Variants in PTK7 observed in about 807,000 individuals in gnomAD.
PTK7 encodes the protein inactive tyrosine-protein kinase 7.
PTK7 carries 39 observed loss-of-function variants against 116.6 expected under a neutral mutation model. That is an observed-to-expected ratio of 0.33 (90% confidence interval 0.26 to 0.44). The LOEUF (loss-of-function observed/expected upper bound fraction) is 0.44. PTK7 is among the 20% of genes least tolerant of loss of function. PTK7 has a pLI of 1.00. For synonymous variants in PTK7, 546 were observed against 563.6 expected (o/e 0.97, Z 0.44); for missense variants, 1,169 against 1,425.6 (o/e 0.82, Z 2.90).
In PTK7 at chr6:43,139,606, C is replaced by T. The variant is rs980296459; in HGVS notation, c.1618+81C>T. 1.4e-5 allele frequency: 22 copies of T among 1,571,296 alleles called. No individual in the cohort carries two copies. The African/African-American group carries it at 1.5e-4, about 11-fold the overall frequency. On this transcript the variant is annotated intron_variant, in intron 10 of 19. Transcript: ENST00000230419. The surrounding 1 kb of genome is among the most constrained non-coding windows in gnomAD (Gnocchi z 4.6). ...CATACCTGAGGGCTGCTGGGTGCCCCGCACTGTGCCAGGAAATGTGGAGAT... is the reference window on the plus strand; with the variant it reads ...CATACCTGAGGGCTGCTGGGTGCCCTGCACTGTGCCAGGAAATGTGGAGAT...
chr6:43,126,715 G>C (rs1769307610), intron 1 of PTK7, among the ~76,000 whole-genome samples: 1 of 152,224 alleles, frequency 6.6e-6, no homozygotes, highest in South Asian at 2.1e-4. Flanking sequence ...CTTGTGCCTG[G>C]ACCTGGGTTT....
intron 1 of PTK7, among the ~76,000 whole-genome samples, chr6:43,088,062 C>T (rs1766752942): frequency 6.6e-6 from 1 of 152,122 alleles, no homozygotes. Flanking sequence ...CTTTGGGAGG[C>T]CAAGGCGTGA....
intron 1 of PTK7, among the ~76,000 whole-genome samples, chr6:43,109,815 T>C (rs1214349125): frequency 1.3e-4 from 20 of 150,274 alleles, no homozygotes; most frequent in Admixed American, 1.3e-3. Context: ...TCTCCTGGCT[T>C]AGCCTCCCGA....
chr6:43,077,257 G>A (rs928098718), intron 1 of PTK7, among the ~76,000 whole-genome samples: 13 of 152,244 alleles, frequency 8.5e-5, no homozygotes, highest in African/African-American at 2.9e-4. Context: ...AGGCTGTCGC[G>A]GTGACTAATG....
intron 1 of PTK7, among the ~76,000 whole-genome samples, chr6:43,085,954 A>AC (rs59060355): frequency 1.7e-5 from 2 of 115,074 alleles, no homozygotes; most frequent in African/African-American, 8.7e-5. Context: ...AAAAAAAAAA[A>AC]CATGGCTTCC....
chr6:43,146,582 C>T (rs771714220), intron 16 of PTK7, 36 bp from the exon 17 acceptor site: 81 of 1,588,722 alleles, frequency 5.1e-5, no homozygotes, highest in Non-Finnish European at 6.5e-5. Context: ...AATGGCTGTG[C>T]ACTGACCTGA....
chr6:43,160,007 C>T, intron 19 of PTK7, 41 bp downstream of exon 19: 3 of 1,584,336 alleles, frequency 1.9e-6, no homozygotes, highest in Non-Finnish European at 2.6e-6. Flanking sequence ...CAGATGGGCC[C>T]CAGATGGGGC....
At chr6:43,135,914 T>C (rs548468045) in intron 7 of PTK7, among the ~76,000 whole-genome samples, 1 of 151,540 alleles carries the variant, frequency 6.6e-6, no homozygotes, top group African/African-American at 2.4e-5. Flanking sequence ...AATGGCTGGG[T>C]GCAGTGGCTC....
chr6:43,150,326 C>T (rs1165708402), intron 17 of PTK7, among the ~76,000 whole-genome samples: 1 of 152,146 alleles, frequency 6.6e-6, no homozygotes, highest in Non-Finnish European at 1.5e-5. Flanking sequence ...AAGAACGGGT[C>T]TTTTATAACA....
At chr6:43,154,519 TCTTA>T (rs1771306725) in intron 17 of PTK7, among the ~76,000 whole-genome samples, 2 of 152,202 alleles carry the variant, frequency 1.3e-5, no homozygotes, top group African/African-American at 4.8e-5. Flanking sequence ...TGAATGATGC[TCTTA>T]CTAAGTGTGA....
Position 43,161,037 on chromosome 6 carries a change from C to T in PTK7, c.*156C>T, listed in dbSNP as rs966756180. 4.6e-6 allele frequency: 5 copies of T among 1,077,510 alleles called. No individual in the cohort carries two copies. Among genetic ancestry groups the T allele is most frequent in the Non-Finnish European group, 6.4e-6 (5 of 775,320 alleles). 66.7% of individuals were successfully genotyped at this position (1,077,510 alleles called of 1,614,324 possible). On this transcript the variant is annotated 3_prime_UTR_variant, in exon 20 of 20. Transcript: ENST00000230419. ...GTCTGAGCAGGGCCTGGCCTTTCCT[C>T]CTCTTCCTCACCCTCATCCTTTGGG...
chr6:43,078,921 A>C (rs1441033102), intron 1 of PTK7, among the ~76,000 whole-genome samples: 1 of 152,172 alleles, frequency 6.6e-6, no homozygotes, highest in Non-Finnish European at 1.5e-5. Flanking sequence ...GGCTGTCTGC[A>C]GATTCCTCAA....
At position 43,160,992 on chromosome 6, in the gene PTK7, G is replaced by C; in HGVS notation, c.*111G>C. On this transcript the variant is annotated 3_prime_UTR_variant, in exon 20 of 20. Coordinates refer to ENST00000230419, the MANE Select transcript of PTK7 (RefSeq NM_002821.5). The stretch of plus-strand genomic sequence containing the variant: ...CCTGGGCCCTGAGGCCCCTGCCCTA[G>C]TGCAACAGGCATTGCTGAGGTCTGA... 2.2e-6 allele frequency: 3 copies of C among 1,392,146 alleles called. No homozygotes were observed. Among genetic ancestry groups the C allele is most frequent in the Non-Finnish European group, 2.9e-6 (3 of 1,041,476 alleles). 86.2% of individuals were successfully genotyped at this position (1,392,146 alleles called of 1,614,324 possible).
Position 43,116,647 on chromosome 6 carries a change from T to C in PTK7, c.80-12330T>C, listed in dbSNP as rs1047455944. Among the ~76,000 whole-genome samples, 597 of 74,312 alleles carry C rather than the reference T, an allele frequency of 8.0e-3. 3 individuals are homozygous for C. Among genetic ancestry groups the C allele is most frequent in the African/African-American group, 0.032 (510 of 16,170 alleles). 48.8% of individuals were successfully genotyped at this position (74,312 alleles called of 152,430 possible). On this transcript the variant is annotated intron_variant, in intron 1 of 19. Coordinates refer to ENST00000230419, the MANE Select transcript of PTK7 (RefSeq NM_002821.5). ...GTGTGTGTGTGTGTGTGTGTGTGTG[T>C]GTGTGCGCGCGCACGCACGCACGCA...
Position 43,143,617 on chromosome 6 carries a change from A to C in PTK7, c.2248A>C (p.Asn750His), listed in dbSNP as rs1311791852. Residue 750 changes from asparagine to histidine, a missense_variant, in exon 14 of 20, where the codon AAC becomes CAC. Physicochemically the swap from Asn to His is moderately conservative, Grantham distance 68 (BLOSUM62 1). Coordinates refer to ENST00000230419, the MANE Select transcript of PTK7 (RefSeq NM_002821.5). The surrounding 1 kb of genome is among the most constrained non-coding windows in gnomAD (Gnocchi z 4.2). ...EGEEPEMECL[N>H]GGPLQNGQPS... is the part of the protein sequence containing the mutation. Reference sequence around the variant, plus strand: ...CGAGGAGCCAGAGATGGAATGCCTCAACGGTGAGGGGCCCTGGACGGGGAG... The same window carrying C: ...CGAGGAGCCAGAGATGGAATGCCTCCACGGTGAGGGGCCCTGGACGGGGAG... 1 of 1,611,304 alleles carries C rather than the reference A, an allele frequency of 6.2e-7. No individual in the cohort carries two copies. Among genetic ancestry groups the C allele is most frequent in the Non-Finnish European group, 8.5e-7 (1 of 1,179,768 alleles).
intron 1 of PTK7, among the ~76,000 whole-genome samples, chr6:43,100,441 G>T (rs1767510519): frequency 8.5e-6 from 1 of 117,384 alleles, no homozygotes; most frequent in South Asian, 2.9e-4. Flanking sequence ...ATTACTACTT[G>T]TAACTTTTTT....
chr6:43,094,976 G>A (rs1767161397), intron 1 of PTK7, among the ~76,000 whole-genome samples: 1 of 151,528 alleles, frequency 6.6e-6, no homozygotes, highest in African/African-American at 2.4e-5. Context: ...ACCGGGAGGC[G>A]GAGGTTGCAG....
At chr6:43,097,054 C>T (rs1767304273) in intron 1 of PTK7, among the ~76,000 whole-genome samples, 1 of 127,710 alleles carries the variant, frequency 7.8e-6, no homozygotes, top group Non-Finnish European at 1.7e-5. Flanking sequence ...AATGTTTGCC[C>T]AGCAGCCCCC....
At chr6:43,098,373 T>C (rs1001324931) in intron 1 of PTK7, among the ~76,000 whole-genome samples, 1 of 152,066 alleles carries the variant, frequency 6.6e-6, no homozygotes, top group Non-Finnish European at 1.5e-5. Flanking sequence ...TTTTTTTTTT[T>C]TTGAGACAGC....
Sources: allele counts gnomAD v4.1 joint callset (sites outside exome capture counted in the v4.1 genomes callset), GRCh38; gene constraint gnomAD v4.1.1; non-coding constraint Gnocchi (gnomAD v3.1); transcripts MANE v1.5; gene names NCBI Gene and HGNC (gene_info 2026-07-23, HGNC 2026-07-21).